Variants in RYK observed in about 807,000 individuals in gnomAD.
RYK encodes inactive tyrosine-protein kinase RYK.
A neutral mutation model predicts 70.2 loss-of-function variants in RYK; 21 were observed. The observed-to-expected ratio is 0.30, with a 90% CI of 0.21 to 0.43. RYK has a LOEUF of 0.43. Ranked by LOEUF, RYK falls within the 20% of genes least tolerant of loss-of-function variation. The probability of loss-of-function intolerance (pLI) is 1.00; values close to 1 mark genes in which losing one functional copy is unlikely to be tolerated. For missense variants in RYK, 604 were observed against 753.3 expected (o/e 0.80, Z 2.32); for synonymous variants, 267 against 278.0 (o/e 0.96, Z 0.39).
chr3:134,231,193 CAA>C (rs76361855), intron 1 of RYK, among the ~76,000 whole-genome samples: 42 of 107,294 alleles, frequency 3.9e-4, no homozygotes, highest in Non-Finnish European at 4.0e-4. Context: ...CAGACAAGAC[CAA>C]AAAAAAAAAA....
At chr3:134,158,588 G>A (rs768877373) in intron 14 of RYK, among the ~76,000 whole-genome samples, 2 of 152,208 alleles carry the variant, frequency 1.3e-5, no homozygotes, top group Non-Finnish European at 2.9e-5. Context: ...CTTGGAGGAA[G>A]AGAAAGTTTT....
intron 1 of RYK, among the ~76,000 whole-genome samples, chr3:134,243,591 C>G (rs1231631324): frequency 6.6e-6 from 1 of 152,170 alleles, no homozygotes; most frequent in Non-Finnish European, 1.5e-5. Flanking sequence ...AATTTTTCAC[C>G]TCAGCCACAT....
At chr3:134,237,573 C>T (rs896994746) in intron 1 of RYK, among the ~76,000 whole-genome samples, 3 of 152,174 alleles carry the variant, frequency 2.0e-5, no homozygotes, top group African/African-American at 7.2e-5. Flanking sequence ...AAAGTGATGT[C>T]ATAGAAAGAG....
At position 134,241,789 on chromosome 3, in the gene RYK, C is replaced by T. The variant is rs145648707; in HGVS notation, c.232+8634G>A. ...ACATCTCTGTGACCTACAGCAAATT[C>T]TGTTAATTGCCCACAACCTCAGCAT... On this transcript the variant is annotated intron_variant, in intron 1 of 14. Coordinates refer to ENST00000623711, the MANE Select transcript of RYK (RefSeq NM_002958.4). Among the ~76,000 whole-genome samples the T allele has an allele frequency of 1.8e-3, 269 of 152,322 alleles. 1 individual carries two copies. Among genetic ancestry groups the T allele is most frequent in the African/African-American group, 6.1e-3 (254 of 41,578 alleles).
In RYK at chr3:134,246,597, C is replaced by G. The variant is rs543584861; in HGVS notation, c.232+3826G>C. 2.0e-5 allele frequency among the ~76,000 whole-genome samples: 3 copies of G among 152,054 alleles called. No homozygotes were observed. In the East Asian group the frequency reaches 5.8e-4, roughly 29 times the overall value. Reference sequence around the variant, plus strand: ...GGCTTTGGACTTTTCATCAAAAACCCTTAAGACAGAAAACTGTGAATATGC... The same window carrying G: ...GGCTTTGGACTTTTCATCAAAAACCGTTAAGACAGAAAACTGTGAATATGC... On this transcript the variant is annotated intron_variant, in intron 1 of 14. Transcript: ENST00000623711.
chr3:134,159,126 A>G, intron 14 of RYK, 111 bp downstream of exon 14: 7 of 1,144,638 alleles, frequency 6.1e-6, no homozygotes, highest in Non-Finnish European at 9.0e-6. Context: ...CCAAAGAGTC[A>G]TTATTCTCAA....
At chr3:134,229,378 TGGA>T (rs1560025497) in intron 1 of RYK, among the ~76,000 whole-genome samples, 1 of 88,960 alleles carries the variant, frequency 1.1e-5, no homozygotes, top group Admixed American at 1.5e-4. Context: ...TCCTTTGGGC[TGGA>T]AAAAAAAAAA....
intron 11 of RYK, among the ~76,000 whole-genome samples, chr3:134,177,002 C>T (rs1021193027): frequency 3.9e-5 from 6 of 152,030 alleles, no homozygotes; most frequent in South Asian, 4.1e-4. Flanking sequence ...GCTGAGATCA[C>T]GCCACTGCAC....
intron 1 of RYK, among the ~76,000 whole-genome samples, chr3:134,240,589 T>A (rs1427481731): frequency 6.6e-6 from 1 of 152,164 alleles, no homozygotes. Context: ...AATCTTAATA[T>A]ATGCAAATTT....
intron 4 of RYK, among the ~76,000 whole-genome samples, chr3:134,209,101 T>G (rs574980712): frequency 6.6e-6 from 1 of 152,298 alleles, no homozygotes; most frequent in South Asian, 2.1e-4. Flanking sequence ...CTCGATTTCT[T>G]CAGTAACAGA....
chr3:134,162,788 C>T (rs2108140109), intron 13 of RYK, among the ~76,000 whole-genome samples: 1 of 152,220 alleles, frequency 6.6e-6, no homozygotes, highest in South Asian at 2.1e-4. Flanking sequence ...TAGTTCCCTG[C>T]ACAGATGGAA....
At chr3:134,195,671 GTGCGGTGGCTCACGCCTGT>G (rs1374858450) in intron 6 of RYK, among the ~76,000 whole-genome samples, 5 of 152,232 alleles carry the variant, frequency 3.3e-5, no homozygotes, top group African/African-American at 7.2e-5. Flanking sequence ...TATTGGCCAG[GTGCGGTGGCTCACGCCTGT>G]AATCCCAACA....
Position 134,225,933 on chromosome 3 carries a change from A to C in RYK, c.233-3394T>G, listed in dbSNP as rs368497373. 9.8e-5 allele frequency among the ~76,000 whole-genome samples: 15 copies of C among 152,294 alleles called. No homozygotes were observed. The East Asian group carries it at 2.1e-3, about 22-fold the overall frequency. ...GTGGACATAGATGATTTGAACATAT[A>C]ATTATGGGACATGAAAAAGTGAGGG... On this transcript the variant is annotated intron_variant, in intron 1 of 14. Coordinates refer to ENST00000623711, the MANE Select transcript of RYK (RefSeq NM_002958.4).
chr3:134,171,122 TA>T (rs2012892992), intron 13 of RYK: 1 of 152,160 alleles, frequency 6.6e-6, no homozygotes, highest in African/African-American at 2.4e-5. Context: ...AATAACTAAC[TA>T]AAGTAATTCT....
intron 10 of RYK, chr3:134,178,937 T>C (rs2013202057): frequency 6.6e-6 from 1 of 152,166 alleles, no homozygotes; most frequent in African/African-American, 2.4e-5. Context: ...ACCCAACACT[T>C]CGTAATCTAT....
At chr3:134,235,774 G>A (rs1369195214) in intron 1 of RYK, among the ~76,000 whole-genome samples, 1 of 152,164 alleles carries the variant, frequency 6.6e-6, no homozygotes, top group Non-Finnish European at 1.5e-5. Flanking sequence ...GGTTAAGTGA[G>A]TAGTGAGAAA....
chr3:134,166,222 A>G (rs2012660814), intron 13 of RYK, among the ~76,000 whole-genome samples: 1 of 152,046 alleles, frequency 6.6e-6, no homozygotes, highest in Non-Finnish European at 1.5e-5. Flanking sequence ...TGGGATTGGT[A>G]CTCTTATAAA....
At chr3:134,219,786 G>A (rs556731409) in intron 2 of RYK, among the ~76,000 whole-genome samples, 3 of 152,186 alleles carry the variant, frequency 2.0e-5, no homozygotes, top group East Asian at 1.9e-4. Context: ...GTTATCCAGT[G>A]TAGGTCTGAC....
Position 134,198,308 on chromosome 3 carries a change from G to T in RYK, c.789-3126C>A, listed in dbSNP as rs140332487. Among the ~76,000 whole-genome samples, 462 of 152,220 alleles carry T rather than the reference G, an allele frequency of 3.0e-3. 2 individuals carry two copies. The highest frequency in any genetic ancestry group is 0.01 in the African/African-American group (432 of 41,512). ...GATCATAATTTTCCTTCAAAACACT[G>T]ACAACAATTTGTACTTTTCTATTTT... On this transcript the variant is annotated intron_variant, in intron 6 of 14. Transcript: ENST00000623711.
Sources: gnomAD v4.1 joint callset for allele counts (sites outside exome capture counted in the v4.1 genomes callset) on GRCh38, gnomAD v4.1.1 for gene constraint, MANE v1.5 for transcripts, NCBI Gene and HGNC (gene_info 2026-07-23, HGNC 2026-07-21) for gene names.